The following PPP6R2 variants were observed in gnomAD, a reference collection of about 807,000 sequenced individuals.
PPP6R2 encodes the protein protein phosphatase 6 regulatory subunit 2.
Under a neutral mutation model 100.2 loss-of-function variants are expected in PPP6R2, and 62 were observed. The observed-to-expected ratio is 0.62, with a 90% confidence interval of 0.50 to 0.76. The LOEUF is 0.76. Among genes scored for constraint, PPP6R2 ranks in the 30% least tolerant of loss-of-function variants. The pLI is 0.00. For missense variants in PPP6R2, 1,142 were observed against 1,276.3 expected, an observed-to-expected ratio of 0.89 and a Z score of 1.60; for synonymous variants, 525 against 514.7, an observed-to-expected ratio of 1.02 and a Z score of -0.27.
rs1175061863 is a variant in PPP6R2, at chr22:50,437,629, C to T, written c.1781+26C>T. 4 of 1,560,572 alleles carry T rather than the reference C, an allele frequency of 2.6e-6. No homozygotes were observed. The African/African-American group carries it at 4.1e-5, about 16-fold the overall frequency. ...GTGAGTCTACTTGGAGCGCACTCTG[C>T]ACGAGGCGCGGCTCTCCCTGCTGCT... On this transcript the variant is annotated intron_variant, in intron 16 of 23. Transcript: ENST00000612753.
chr22:50,406,663 C>A, intron 3 of PPP6R2, 26 bp from the exon 4 acceptor site: 1 of 1,597,754 alleles, frequency 6.3e-7, no homozygotes. Context: ...AATTTCACCT[C>A]CAGTGCTTGG....
At chr22:50,391,533 G>C (rs1263331353) in intron 2 of PPP6R2, among the ~76,000 whole-genome samples, 1 of 151,482 alleles carries the variant, frequency 6.6e-6, no homozygotes, top group African/African-American at 2.4e-5. Context: ...AGGACTGCTT[G>C]AGCCTGCAGT....
rs562264736 is a variant in PPP6R2, at chr22:50,442,369, T to G, written c.2579+1343T>G. Among the ~76,000 whole-genome samples the G allele has an allele frequency of 2.4e-3, 372 of 152,278 alleles. 2 individuals carry two copies. Among genetic ancestry groups the G allele is most frequent in the Non-Finnish European group, 3.4e-3 (234 of 68,016 alleles). On this transcript the variant is annotated intron_variant, in intron 22 of 23. Transcript: ENST00000612753. ...CGTCTGTGCTCACAGCTCCTCCCCT[T>G]GTTTGGCCACCCTGTCTTCAGGGCA...
chr22:50,426,805 G>A (rs1345423552), intron 10 of PPP6R2, among the ~76,000 whole-genome samples: 1 of 140,530 alleles, frequency 7.1e-6, no homozygotes, highest in Non-Finnish European at 1.5e-5. Flanking sequence ...CTGCACTCCA[G>A]CCTGGGTGAC....
chr22:50,437,645 C>T (rs2064649568), intron 16 of PPP6R2, 42 bp downstream of exon 16: 3 of 1,529,872 alleles, frequency 2.0e-6, no homozygotes, highest in Non-Finnish European at 1.8e-6. Context: ...GCGCGGCTCT[C>T]CCTGCTGCTG....
chr22:50,355,743 G>A (rs957819349), intron 1 of PPP6R2, among the ~76,000 whole-genome samples: 30 of 144,694 alleles, frequency 2.1e-4, no homozygotes, highest in African/African-American at 1.5e-4. Flanking sequence ...GGATGGTCTC[G>A]ATCTCCTTAC....
chr22:50,347,241 C>T (rs1459783452), intron 1 of PPP6R2, among the ~76,000 whole-genome samples: 2 of 151,982 alleles, frequency 1.3e-5, no homozygotes, highest in African/African-American at 4.8e-5. Context: ...TAGTACCCTG[C>T]CCTGCTGTTA....
chr22:50,396,215 A>AG (rs2056805990), intron 3 of PPP6R2, among the ~76,000 whole-genome samples: 1 of 135,648 alleles, frequency 7.4e-6, no homozygotes, highest in African/African-American at 2.8e-5. Context: ...AAAAAAAAAA[A>AG]GCCGGGTGTG....
intron 3 of PPP6R2, among the ~76,000 whole-genome samples, chr22:50,399,684 G>A (rs1025505739): frequency 6.6e-6 from 1 of 152,270 alleles, no homozygotes; most frequent in Non-Finnish European, 1.5e-5. Flanking sequence ...TTAAAGCCAG[G>A]GGCTGCTCCA....
In PPP6R2 at chr22:50,419,331, T is replaced by G; in HGVS notation, c.732-18T>G. ...GTGTCTGCTCTGCCAGGCAGTGACC[T>G]CTGTGTGTGTCCAGCAGGCAGGACT... On this transcript the variant is annotated intron_variant, in intron 7 of 23. Coordinates refer to ENST00000612753, the MANE Select transcript of PPP6R2 (RefSeq NM_001242898.2). The G allele has an allele frequency of 6.2e-7, 1 of 1,606,960 alleles. No homozygotes were observed. Among genetic ancestry groups the G allele is most frequent in the Non-Finnish European group, 8.5e-7 (1 of 1,173,594 alleles).
In PPP6R2 at chr22:50,432,262, C is replaced by A. The variant is rs1227055584; in HGVS notation, c.1336-3C>A. 1 of 1,549,862 alleles carries A rather than the reference C, an allele frequency of 6.5e-7. No homozygotes were observed. The highest frequency in any genetic ancestry group is 8.7e-7 in the Non-Finnish European group (1 of 1,146,970). On this transcript the variant is annotated splice_region_variant and splice_polypyrimidine_tract_variant and intron_variant, in intron 11 of 23. Transcript: ENST00000612753. ...CACGCTGTCCCCCTGCCCCGCCCCC[C>A]AGCTGTTCCAGAAGTGCTGCCTGGT...
chr22:50,432,441 T>A (rs2063334004), intron 12 of PPP6R2, 112 bp downstream of exon 12: 1 of 1,062,694 alleles, frequency 9.4e-7, no homozygotes, highest in Non-Finnish European at 1.4e-6. Flanking sequence ...TCGGGTGGAG[T>A]GTAGGGTGTG....
At chr22:50,388,527 T>C (rs892222329) in intron 2 of PPP6R2, among the ~76,000 whole-genome samples, 1 of 152,124 alleles carries the variant, frequency 6.6e-6, no homozygotes, top group Non-Finnish European at 1.5e-5. Context: ...TTCAGGTCTC[T>C]GCACTCCAGT....
At chr22:50,422,751 A>G (rs547891920) in intron 9 of PPP6R2, among the ~76,000 whole-genome samples, 1 of 152,128 alleles carries the variant, frequency 6.6e-6, no homozygotes, top group Admixed American at 6.5e-5. Context: ...AGGCACACAA[A>G]GGCTCCTCCT....
At chr22:50,338,653 AGT>A (rs1166495358), upstream of PPP6R2, among the ~76,000 whole-genome samples, 2 of 84,840 alleles carry the variant, frequency 2.4e-5, no homozygotes, top group East Asian at 4.2e-4. Flanking sequence ...TGTGGTATGT[AGT>A]GTGTGTGGTA....
intron 1 of PPP6R2, among the ~76,000 whole-genome samples, chr22:50,362,340 C>T (rs73188930): frequency 1.3e-5 from 2 of 152,128 alleles, no homozygotes; most frequent in Admixed American, 6.5e-5. Flanking sequence ...AGCCATCTCT[C>T]GGGGCTGTGT....
intron 22 of PPP6R2, 96 bp downstream of exon 22, chr22:50,441,122 G>A: frequency 1.8e-6 from 2 of 1,114,694 alleles, no homozygotes; most frequent in Non-Finnish European, 2.5e-6. Context: ...AGGAGGTGAG[G>A]CCAGGCCAGG....
chr22:50,436,419 G>A lies in PPP6R2; in HGVS notation c.1569G>A (p.Leu523=). ...GRWESFVEET[L]TETNRRNTVD... is the part of the protein sequence containing the mutation. The stretch of plus-strand genomic sequence containing the variant: ...GGGAGAGCTTCGTGGAGGAGACGCT[G>A]ACGGAGACGAACCGCAGGAACACTG... The change falls in exon 14 of 24, where the codon CTG becomes CTA. Residue 523 remains leucine, a synonymous_variant. Coordinates refer to ENST00000612753, the MANE Select transcript of PPP6R2 (RefSeq NM_001242898.2). 6.3e-7 allele frequency: 1 copy of A among 1,593,062 alleles called. No individual in the cohort carries two copies. The highest frequency in any genetic ancestry group is 8.5e-7 in the Non-Finnish European group (1 of 1,171,250).
intron 4 of PPP6R2, among the ~76,000 whole-genome samples, chr22:50,409,514 G>A (rs1291005933): frequency 6.6e-6 from 1 of 152,012 alleles, no homozygotes; most frequent in Non-Finnish European, 1.5e-5. Flanking sequence ...CACAACCTCC[G>A]CCTCCCGGGT....
Sources: allele counts gnomAD v4.1 joint callset (sites outside exome capture counted in the v4.1 genomes callset), GRCh38; gene constraint gnomAD v4.1.1; transcripts MANE v1.5; gene names NCBI Gene and HGNC (gene_info 2026-07-23, HGNC 2026-07-21).